The following XKR9 variants were observed in gnomAD, a reference collection of about 807,000 sequenced individuals.
XKR9 encodes XK-related protein 9.
XKR9 carries 32 observed loss-of-function variants against 32.0 expected under a neutral mutation model. That is an observed-to-expected ratio of 1.00 (90% CI 0.76 to 1.34). The LOEUF is 1.34. Ranked by LOEUF, XKR9 falls within the 40% of genes most tolerant of loss-of-function variation. The pLI, the probability that XKR9 is intolerant of heterozygous loss-of-function variation, is 0.00. For missense variants in XKR9, 546 were observed against 429.7 expected, an observed-to-expected ratio of 1.27 and a Z score of -2.39; for synonymous variants, 168 against 143.4, an observed-to-expected ratio of 1.17 and a Z score of -1.22.
At chr8:70,699,785 C>G (rs1453378060) in intron 3 of XKR9, among the ~76,000 whole-genome samples, 2 of 152,186 alleles carry the variant, frequency 1.3e-5, no homozygotes, top group South Asian at 4.1e-4. Flanking sequence ...TGTTTTCCAA[C>G]TTGGTTCCAT....
chr8:70,719,303 G>T lies in XKR9; in HGVS notation c.493+12150G>T, dbSNP rs548549662. Among the ~76,000 whole-genome samples the T allele has an allele frequency of 7.9e-5, 12 of 152,222 alleles. 1 individual carries two copies. The highest frequency in any genetic ancestry group is 4.6e-4 in the Admixed American group (7 of 15,292). On this transcript the variant is annotated intron_variant, in intron 4 of 4. Transcript: ENST00000408926. ...TCTTTTGCTGTGCAGAGCCTCTTTA[G>T]TTTAATTAGATCCCATTTGTCAATT...
At chr8:70,858,449 A>C in the XKR9 span, among the ~76,000 whole-genome samples, 1 of 151,836 alleles carries the variant, frequency 6.6e-6, no homozygotes, top group Admixed American at 6.6e-5. Flanking sequence ...GCAAACCACC[A>C]CTCAATGAAA....
chr8:70,770,024 G>T (rs747229810), intron 2 of XKR9, among the ~76,000 whole-genome samples: 1 of 151,976 alleles, frequency 6.6e-6, no homozygotes. Context: ...GATGCATTCT[G>T]GTTTTTGGAA....
At chr8:70,987,691 G>A in the XKR9 span, among the ~76,000 whole-genome samples, 1 of 152,180 alleles carries the variant, frequency 6.6e-6, no homozygotes. Context: ...CTGGGGTCTG[G>A]AGGATGGTGG....
the XKR9 span, among the ~76,000 whole-genome samples, chr8:70,975,059 A>G: frequency 6.6e-6 from 1 of 152,182 alleles, no homozygotes; most frequent in Non-Finnish European, 1.5e-5. Flanking sequence ...GTCTGTTCAC[A>G]TCATTTGCCC....
chr8:70,691,455 C>T (rs1230076068), intron 3 of XKR9, among the ~76,000 whole-genome samples: 1 of 152,138 alleles, frequency 6.6e-6, no homozygotes, highest in Admixed American at 6.5e-5. Context: ...GTTGCAACTG[C>T]TTTTGGTGTC....
the XKR9 span, among the ~76,000 whole-genome samples, chr8:70,868,565 T>G: frequency 6.6e-6 from 1 of 152,088 alleles, no homozygotes; most frequent in Non-Finnish European, 1.5e-5. Flanking sequence ...ACCAAGTCCC[T>G]AGGCTGCACA....
chr8:70,669,664 ATTT>A (rs11335556), intron 1 of XKR9, 126 bp downstream of exon 1: 7,020 of 84,254 alleles, frequency 0.083, 226 homozygotes, highest in Non-Finnish European at 0.098. Context: ...TAGCCTGTTC[ATTT>A]TTTTTTTTTT....
the XKR9 span, among the ~76,000 whole-genome samples, chr8:71,030,330 A>G: frequency 1.3e-3 from 194 of 152,218 alleles, no homozygotes; most frequent in African/African-American, 4.6e-3. Flanking sequence ...AAATTTTCTC[A>G]TATTTTTTAT....
the XKR9 span, among the ~76,000 whole-genome samples, chr8:71,060,610 G>A: frequency 5.3e-5 from 8 of 152,164 alleles, no homozygotes; most frequent in African/African-American, 1.9e-4. Flanking sequence ...GGACAGAAAT[G>A]GCAATTAGGG....
intron 2 of XKR9, among the ~76,000 whole-genome samples, chr8:70,745,768 T>C (rs762454508): frequency 2.6e-5 from 4 of 152,212 alleles, no homozygotes; most frequent in Non-Finnish European, 5.9e-5. Flanking sequence ...GGATCAACTA[T>C]GTATTGCTAC....
the XKR9 span, among the ~76,000 whole-genome samples, chr8:70,926,156 C>A: frequency 1.5e-4 from 23 of 152,152 alleles, no homozygotes; most frequent in Non-Finnish European, 3.1e-4. Context: ...CTCACTGCAA[C>A]CTCCACCTCC....
At chr8:70,861,317 C>T in the XKR9 span, among the ~76,000 whole-genome samples, 1 of 152,060 alleles carries the variant, frequency 6.6e-6, no homozygotes, top group African/African-American at 2.4e-5. Flanking sequence ...TCAGTTTCCT[C>T]ATCTGTAAAA....
chr8:70,700,534 C>T lies in XKR9; in HGVS notation c.273-6399C>T, dbSNP rs192053752. Among the ~76,000 whole-genome samples the T allele has an allele frequency of 4.2e-3, 633 of 152,252 alleles. 3 individuals carry two copies. Among genetic ancestry groups the T allele is most frequent in the South Asian group, 0.029 (138 of 4,820 alleles). On this transcript the variant is annotated intron_variant, in intron 3 of 4. Coordinates refer to ENST00000408926, the MANE Select transcript of XKR9 (RefSeq NM_001011720.2). The stretch of plus-strand genomic sequence containing the variant: ...CTGCAAATGCTGCTGTCTGATCGTT[C>T]CTCTGGAAGTTTTGTCTCAGAAGAG...
the XKR9 span, among the ~76,000 whole-genome samples, chr8:71,065,744 A>G: frequency 1.3e-5 from 2 of 152,228 alleles, no homozygotes; most frequent in African/African-American, 4.8e-5. Flanking sequence ...AAGCTGTAAA[A>G]GATGGAAGCC....
intron 4 of XKR9, among the ~76,000 whole-genome samples, chr8:70,733,307 C>G (rs533256917): frequency 1.1e-4 from 17 of 151,826 alleles, no homozygotes; most frequent in African/African-American, 4.1e-4. Flanking sequence ...AACCCTCTTT[C>G]TCTCTCTCTA....
chr8:70,864,493 A>G, the XKR9 span, among the ~76,000 whole-genome samples: 3 of 152,240 alleles, frequency 2.0e-5, no homozygotes, highest in East Asian at 5.8e-4. Flanking sequence ...AACCTAGATA[A>G]ATAAAACTTC....
the XKR9 span, among the ~76,000 whole-genome samples, chr8:70,855,780 T>C: frequency 6.6e-6 from 1 of 152,250 alleles, no homozygotes; most frequent in East Asian, 1.9e-4. Flanking sequence ...GCTGATCTCT[T>C]GGCAGAAACT....
downstream of XKR9, among the ~76,000 whole-genome samples, chr8:70,795,276 C>T (rs1807814012): frequency 6.6e-6 from 1 of 152,110 alleles, no homozygotes; most frequent in Non-Finnish European, 1.5e-5. Context: ...TAATGGCCTT[C>T]AGCTTCTTCC....
Sources: allele counts gnomAD v4.1 joint callset (sites outside exome capture counted in the v4.1 genomes callset), GRCh38; gene constraint gnomAD v4.1.1; transcripts MANE v1.5; gene names NCBI Gene and HGNC (gene_info 2026-07-23, HGNC 2026-07-21).